Variants in GPM6A observed in about 807,000 individuals in gnomAD.
The protein encoded by GPM6A is glycoprotein M6A, also known as neuronal membrane glycoprotein M6-a.
GPM6A carries 7 observed loss-of-function variants against 32.1 expected under a neutral mutation model. The ratio of observed to expected loss-of-function variants is 0.22; its 90% confidence interval spans 0.12 to 0.41. The LOEUF is 0.41. Among genes scored for constraint, GPM6A ranks in the 10% least tolerant of loss-of-function variants. The probability of loss-of-function intolerance (pLI) is 1.00; values close to 1 mark genes in which losing one functional copy is unlikely to be tolerated. For missense variants in GPM6A, 235 were observed against 347.2 expected (o/e 0.68, Z 2.57); for synonymous variants, 130 against 123.4 (o/e 1.05, Z -0.35).
At chr4:175,932,824 A>C (rs1471995959) in intron 1 of GPM6A, among the ~76,000 whole-genome samples, 1 of 152,096 alleles carries the variant, frequency 6.6e-6, no homozygotes, top group Non-Finnish European at 1.5e-5. Flanking sequence ...TAAAACTAAA[A>C]ATAAAATATG....
chr4:175,863,486 A>G (rs989556992), intron 1 of GPM6A, among the ~76,000 whole-genome samples: 2 of 144,456 alleles, frequency 1.4e-5, no homozygotes, highest in Non-Finnish European at 3.1e-5. Flanking sequence ...TCATTTATTA[A>G]TGGACTTTGT....
intron 1 of GPM6A, among the ~76,000 whole-genome samples, chr4:175,940,049 A>G (rs1004218751): frequency 1.3e-5 from 2 of 152,192 alleles, no homozygotes; most frequent in African/African-American, 4.8e-5. Flanking sequence ...TTCATTTATT[A>G]TTTTATAATA....
chr4:175,660,450 T>C (rs962887390), intron 3 of GPM6A, among the ~76,000 whole-genome samples: 2 of 151,844 alleles, frequency 1.3e-5, no homozygotes, highest in African/African-American at 2.4e-5. Flanking sequence ...ATGATAAATA[T>C]ATGAATTCAT....
At chr4:175,886,405 G>C (rs1737456924) in intron 1 of GPM6A, among the ~76,000 whole-genome samples, 1 of 152,096 alleles carries the variant, frequency 6.6e-6, no homozygotes, top group African/African-American at 2.4e-5. Context: ...CTTAAAGCAG[G>C]CTAAATTGCC....
intron 1 of GPM6A, among the ~76,000 whole-genome samples, chr4:175,889,885 GA>G (rs1214228507): frequency 6.6e-6 from 1 of 151,898 alleles, no homozygotes; most frequent in Non-Finnish European, 1.5e-5. Context: ...AAGAGGCCAT[GA>G]AAAAAGGAAA....
intron 1 of GPM6A, among the ~76,000 whole-genome samples, chr4:175,841,339 G>T (rs1325488263): frequency 6.6e-6 from 1 of 151,956 alleles, no homozygotes; most frequent in African/African-American, 2.4e-5. Context: ...TTAAATCTTT[G>T]TTTTTAGAAC....
intron 1 of GPM6A, among the ~76,000 whole-genome samples, chr4:175,747,277 A>T (rs34690404): frequency 6.6e-6 from 1 of 151,628 alleles, no homozygotes; most frequent in Admixed American, 6.6e-5. Context: ...TCCAAAAAAA[A>T]AAAAAAAAAA....
At chr4:175,779,346 T>G (rs553101289) in intron 1 of GPM6A, among the ~76,000 whole-genome samples, 146 of 152,334 alleles carry the variant, frequency 9.6e-4, no homozygotes, top group African/African-American at 3.4e-3. Context: ...CTTTATAATG[T>G]ATACTAGACA....
rs1229802873 is a variant in GPM6A, at chr4:175,974,871, CA to C, written c.-23+27437del. On this transcript the variant is annotated intron_variant, in intron 1 of 7. Transcript: ENST00000280187. Reference sequence around the variant, plus strand: ...CTAATTTTGGTATTTTTTGTAGAGACAGGGGTCTCCCTATATTGCCCAGGCT... The same window carrying C: ...CTAATTTTGGTATTTTTTGTAGAGACGGGGTCTCCCTATATTGCCCAGGCT... Among the ~76,000 whole-genome samples the C allele has an allele frequency of 5.3e-5, 8 of 152,164 alleles. 1 individual carries two copies. Among genetic ancestry groups the C allele is most frequent in the African/African-American group, 1.9e-4 (8 of 41,516 alleles).
chr4:175,893,206 C>T (rs2111479260), intron 1 of GPM6A, among the ~76,000 whole-genome samples: 1 of 152,270 alleles, frequency 6.6e-6, no homozygotes, highest in South Asian at 2.1e-4. Flanking sequence ...GGCTGCTATC[C>T]AGCTTCTTAA....
intron 1 of GPM6A, among the ~76,000 whole-genome samples, chr4:175,832,204 C>T (rs1735638822): frequency 1.3e-5 from 2 of 152,128 alleles, no homozygotes; most frequent in South Asian, 4.1e-4. Context: ...CATTTAGTAA[C>T]AAACAAACAA....
intron 2 of GPM6A, among the ~76,000 whole-genome samples, chr4:175,701,344 T>G (rs1744867979): frequency 6.6e-6 from 1 of 152,198 alleles, no homozygotes; most frequent in African/African-American, 2.4e-5. Context: ...AACTTTACAT[T>G]TAAAGCATTG....
At chr4:175,862,562 T>C (rs1736606316) in intron 1 of GPM6A, among the ~76,000 whole-genome samples, 6 of 152,214 alleles carry the variant, frequency 3.9e-5, no homozygotes, top group African/African-American at 2.4e-5. Flanking sequence ...CTTTCTGGTA[T>C]TGACTATTAA....
intron 1 of GPM6A, among the ~76,000 whole-genome samples, chr4:175,874,519 G>A (rs1486642947): frequency 6.6e-6 from 1 of 152,050 alleles, no homozygotes; most frequent in East Asian, 1.9e-4. Flanking sequence ...AAACACTGAG[G>A]GAGCAGAGCC....
chr4:175,913,761 A>G (rs948539757), intron 1 of GPM6A, among the ~76,000 whole-genome samples: 1 of 152,002 alleles, frequency 6.6e-6, no homozygotes, highest in Admixed American at 6.6e-5. Context: ...AATGAGGCCT[A>G]CTCTGACCAC....
chr4:175,809,661 G>A (rs560926531), intron 1 of GPM6A, among the ~76,000 whole-genome samples: 1 of 152,184 alleles, frequency 6.6e-6, no homozygotes, highest in Non-Finnish European at 1.5e-5. Context: ...CTCTCTCTCT[G>A]ACTGAACACA....
rs114507593 is a variant in GPM6A at position 175,761,403 on chromosome 4, T to G, written c.37+50788A>C. Among the ~76,000 whole-genome samples, 322 of 152,232 alleles carry G rather than the reference T, an allele frequency of 2.1e-3. 2 individuals carry two copies. Among genetic ancestry groups the G allele is most frequent in the Admixed American group, 9.0e-3 (137 of 15,280 alleles). ...CACCGGGCCCAGCCTAGTGCAAAAA[T>G]TCTAATCGCTACACTGCTGCATACA... is the stretch of plus-strand genomic sequence containing the variant. On this transcript the variant is annotated intron_variant, in intron 1 of 6. Transcript: ENST00000393658.
chr4:175,690,098 A>G (rs1744215049), intron 2 of GPM6A, among the ~76,000 whole-genome samples: 1 of 152,174 alleles, frequency 6.6e-6, no homozygotes, highest in African/African-American at 2.4e-5. Flanking sequence ...TCATAAAGGT[A>G]TTGGTCTGTA....
chr4:175,877,914 C>T (rs1242436575), intron 1 of GPM6A, among the ~76,000 whole-genome samples: 4 of 152,200 alleles, frequency 2.6e-5, no homozygotes, highest in East Asian at 1.9e-4. Flanking sequence ...AAGTTAGTTA[C>T]TTCCTAGATA....
Sources: allele counts gnomAD v4.1 joint callset (sites outside exome capture counted in the v4.1 genomes callset), GRCh38; gene constraint gnomAD v4.1.1; transcripts MANE v1.5; gene names NCBI Gene and HGNC (gene_info 2026-07-23, HGNC 2026-07-21).